The following FAT1 variants were observed in gnomAD, a reference collection of about 807,000 sequenced individuals.
FAT1 encodes protocadherin Fat 1.
Under a neutral mutation model 329.8 loss-of-function variants are expected in FAT1, and 171 were observed. That is an observed-to-expected ratio of 0.52 (90% confidence interval 0.46 to 0.59). The LOEUF is 0.59. Among genes scored for constraint, FAT1 ranks in the 20% least tolerant of loss-of-function variants. FAT1 has a pLI of 0.00. For synonymous variants in FAT1, 2,233 were observed against 2,228.6 expected (o/e 1.00, Z -0.06); for missense variants, 5,672 against 5,774.4 (o/e 0.98, Z 0.57).
rs189561139 is a variant in FAT1 at position 186,615,036 on chromosome 4, A to T, written c.9076-692T>A. On this transcript the variant is annotated intron_variant, in intron 11 of 26. Transcript: ENST00000441802. Reference sequence around the variant, plus strand: ...AGATTCTGTTGATTTTCTTAATCTGAACTCAACTACCAGTGAAGTACTCAC... The same window carrying T: ...AGATTCTGTTGATTTTCTTAATCTGTACTCAACTACCAGTGAAGTACTCAC... 1.8e-4 allele frequency among the ~76,000 whole-genome samples: 27 copies of T among 152,294 alleles called. No homozygotes were observed. In the East Asian group the frequency reaches 4.4e-3, roughly 25 times the overall value.
intron 2 of FAT1, among the ~76,000 whole-genome samples, chr4:186,692,125 A>G (rs536838189): frequency 3.7e-4 from 57 of 152,336 alleles, no homozygotes; most frequent in African/African-American, 1.3e-3. Context: ...AACAGAAATA[A>G]TGTCAAAATG....
At chr4:186,644,265 C>A (rs949586880) in intron 3 of FAT1, among the ~76,000 whole-genome samples, 1 of 152,156 alleles carries the variant, frequency 6.6e-6, no homozygotes, top group Non-Finnish European at 1.5e-5. Context: ...CATCATTAGT[C>A]ATTTAATAGA....
At chr4:186,693,819 G>A (rs1169255520) in intron 2 of FAT1, among the ~76,000 whole-genome samples, 1 of 152,160 alleles carries the variant, frequency 6.6e-6, no homozygotes, top group Non-Finnish European at 1.5e-5. Context: ...TTTCAGTTCA[G>A]CTCTGGATTT....
intron 13 of FAT1, among the ~76,000 whole-genome samples, 178 bp downstream of exon 13, chr4:186,612,930 AC>A (rs1246008425): frequency 1.3e-5 from 2 of 152,164 alleles, no homozygotes; most frequent in Non-Finnish European, 2.9e-5. Flanking sequence ...CAACTTTGGA[AC>A]TTTAAATATT....
chr4:186,667,499 T>C (rs1030442522), intron 2 of FAT1, among the ~76,000 whole-genome samples: 1 of 152,238 alleles, frequency 6.6e-6, no homozygotes, highest in Non-Finnish European at 1.5e-5. Context: ...ATGCCTATCG[T>C]GATTGCTGAG....
intron 2 of FAT1, among the ~76,000 whole-genome samples, chr4:186,668,156 C>T (rs1045170202): frequency 1.3e-5 from 2 of 152,080 alleles, no homozygotes; most frequent in African/African-American, 4.8e-5. Flanking sequence ...CTTAAGCGTG[C>T]CAAGTTATTT....
intron 9 of FAT1, among the ~76,000 whole-genome samples, chr4:186,623,064 C>T (rs536041519): frequency 3.3e-5 from 5 of 152,298 alleles, no homozygotes; most frequent in Admixed American, 6.5e-5. Context: ...ATACATTTTC[C>T]AAAAATCCAC....
rs1739964544 is a variant in FAT1, at chr4:186,620,202, T to C, written c.6384A>G (p.Gln2128=). The C allele has an allele frequency of 1.2e-6, 2 of 1,613,912 alleles. No individual in the cohort carries two copies. Among genetic ancestry groups the C allele is most frequent in the Non-Finnish European group, 1.7e-6 (2 of 1,179,908 alleles). ...GTGAAATTTCACCCAAGGGTCCAAT[T>C]TGAAAGTGTTCATGATGTTCCTTGA... is the stretch of plus-strand genomic sequence containing the variant. ...YYLKEHHEHF[Q]IGPLGEISLK... Residue 2128 remains glutamine, a synonymous_variant, in exon 10 of 27, where the codon CAA becomes CAG. Coordinates refer to ENST00000441802, the MANE Select transcript of FAT1 (RefSeq NM_005245.4).
At chr4:186,593,278 C>T (rs931675824) in intron 26 of FAT1, among the ~76,000 whole-genome samples, 3 of 152,234 alleles carry the variant, frequency 2.0e-5, no homozygotes, top group Non-Finnish European at 4.4e-5. Context: ...ATGGACTAAT[C>T]GCTGGTGAGC....
rs1482238512 is a variant in FAT1 at position 186,621,089 on chromosome 4, G to A, written c.5497C>T (p.Leu1833=). 1 of 1,613,462 alleles carries A rather than the reference G, an allele frequency of 6.2e-7. No individual in the cohort carries two copies. Among genetic ancestry groups the A allele is most frequent in the African/African-American group, 1.3e-5 (1 of 74,938 alleles). The change falls in exon 10 of 27, where the codon CTA becomes TTA. Residue 1833 remains leucine (L), a synonymous_variant. Transcript: ENST00000441802. ...CTTGTTTCTTCATAGTCCAGACTTAGTACTGTATGAATAGCACCAGTGCTA... is the reference window on the plus strand; with the variant it reads ...CTTGTTTCTTCATAGTCCAGACTTAATACTGTATGAATAGCACCAGTGCTA... ...DSSTGAIHTV[L]SLDYEETSIF...
chr4:186,593,118 CTG>C (rs1205165597), intron 26 of FAT1, among the ~76,000 whole-genome samples: 1 of 152,156 alleles, frequency 6.6e-6, no homozygotes, highest in Non-Finnish European at 1.5e-5. Flanking sequence ...AGACTACAGT[CTG>C]TGGTTCGCCA....
At chr4:186,601,815 C>T (rs1341275945) in intron 20 of FAT1, 1 of 160,394 alleles carries the variant, frequency 6.2e-6, no homozygotes, top group Non-Finnish European at 1.4e-5. Flanking sequence ...TGTCATCAAT[C>T]TCCACAGATG....
At chr4:186,638,307 G>C (rs1740929296) in intron 4 of FAT1, among the ~76,000 whole-genome samples, 1 of 152,140 alleles carries the variant, frequency 6.6e-6, no homozygotes, top group Non-Finnish European at 1.5e-5. Context: ...GAGAAAAGAG[G>C]ACTCTGGAGT....
chr4:186,617,225 A>C, intron 10 of FAT1, 24 bp from the exon 11 acceptor site: 1 of 1,490,474 alleles, frequency 6.7e-7, no homozygotes, highest in Non-Finnish European at 9.1e-7. Context: ...GGAGGAAGAT[A>C]ATAATCAAAT....
At chr4:186,717,615 C>A (rs968181254) in intron 1 of FAT1, among the ~76,000 whole-genome samples, 4 of 152,152 alleles carry the variant, frequency 2.6e-5, no homozygotes, top group Admixed American at 6.6e-5. Flanking sequence ...AGTGTTCCTG[C>A]CCTTAAGAAA....
chr4:186,650,812 T>C (rs1279265356), intron 3 of FAT1, among the ~76,000 whole-genome samples: 6 of 152,144 alleles, frequency 3.9e-5, no homozygotes, highest in Non-Finnish European at 8.8e-5. Context: ...GTTACAAATC[T>C]TGGGCTCCTA....
rs2126697765 is a variant in FAT1, at chr4:186,708,614, G to A, written c.1214C>T (p.Thr405Ile). ...YSHLRYVFKS[T>I]PGKAKFSLNY... Reference sequence around the variant, plus strand: ...TAAACTGAATTTAGCTTTTCCAGGTGTACTTTTAAAAACATACCTCAAATG... The same window carrying A: ...TAAACTGAATTTAGCTTTTCCAGGTATACTTTTAAAAACATACCTCAAATG... The change falls in exon 2 of 27, where the codon ACA becomes ATA. Residue 405 changes from threonine to isoleucine, a missense_variant. Physicochemically the swap from Thr to Ile is moderately conservative, Grantham distance 89. Coordinates refer to ENST00000441802, the MANE Select transcript of FAT1 (RefSeq NM_005245.4). 1.2e-6 allele frequency: 2 copies of A among 1,613,962 alleles called. No individual in the cohort carries two copies. The highest frequency in any genetic ancestry group is 4.5e-5 in the East Asian group (2 of 44,874).
chr4:186,598,298 C>T (rs776839670), intron 22 of FAT1, among the ~76,000 whole-genome samples, 173 bp from the exon 23 acceptor site: 6 of 152,152 alleles, frequency 3.9e-5, no homozygotes, highest in Non-Finnish European at 7.3e-5. Context: ...GCTGGTATAA[C>T]CAAAACACCC....
Position 186,620,635 on chromosome 4 carries a change from T to C in FAT1, c.5951A>G (p.Tyr1984Cys), listed in dbSNP as rs1444904972. Residue 1984 changes from tyrosine (Y) to cysteine (C), a missense_variant, in exon 10 of 27, where the codon TAC becomes TGC. Physicochemically the swap from Tyr to Cys is radical, Grantham distance 194 (BLOSUM62 -2). Around this residue, in one of 2 missense-constraint regions of FAT1, gnomAD observed 3,966 missense variants for 3,915.2 expected, o/e 1.01. Coordinates refer to ENST00000441802, the MANE Select transcript of FAT1 (RefSeq NM_005245.4). ...GGAATTCTCTTTCACTACCGCAGAG[T>C]AGACATCCTGGGTAAACTTTAGGTG... Reference protein sequence around the residue: ...ESHLKFTQDVYSAVVKENSTE... With the variant: ...ESHLKFTQDVCSAVVKENSTE... 1 of 1,613,950 alleles carries C rather than the reference T, an allele frequency of 6.2e-7. No homozygotes were observed. The highest frequency in any genetic ancestry group is 8.5e-7 in the Non-Finnish European group (1 of 1,179,872).
Sources: gnomAD v4.1 joint callset for allele counts (sites outside exome capture counted in the v4.1 genomes callset) on GRCh38, gnomAD v4.1.1 for gene constraint, gnomAD v4.1.1 regional missense constraint, MANE v1.5 for transcripts, NCBI Gene and HGNC (gene_info 2026-07-23, HGNC 2026-07-21) for gene names.